Variants in SH3TC1 observed in about 807,000 individuals in gnomAD.
SH3TC1 encodes the protein SH3 domain and tetratricopeptide repeats 1, also known as SH3 domain and tetratricopeptide repeat-containing protein 1.
A neutral mutation model predicts 117.3 loss-of-function variants in SH3TC1; 135 were observed. The observed-to-expected ratio is 1.15, with a 90% CI of 1.00 to 1.33. SH3TC1 has a LOEUF of 1.33. SH3TC1 is among the 40% of genes most tolerant of loss of function. SH3TC1 has a pLI of 0.00. For missense variants in SH3TC1, 2,092 were observed against 1,794.3 expected (o/e 1.17, Z -3.00); for synonymous variants, 898 against 816.9 (o/e 1.10, Z -1.69).
At position 8,227,109 on chromosome 4, in the gene SH3TC1, C is replaced by T; in HGVS notation, c.1415C>T (p.Ser472Phe). ...GCGTCCTGGGGTCTCTGTGCGGCAT[C>T]CAGCGACGTGAGCTTGCAGGACCCC... ...EPASWGLCAA[S>F]SDVSLQDPEE... Residue 472 changes from serine (S) to phenylalanine (F), a missense_variant, in exon 12 of 18, where the codon TCC (serine) becomes TTC (phenylalanine). Ser to Phe is a radical substitution (Grantham distance 155). Transcript: ENST00000245105. 1.2e-6 allele frequency: 2 copies of T among 1,612,758 alleles called. No homozygotes were observed. The highest frequency in any genetic ancestry group is 2.2e-5 in the South Asian group (2 of 91,022).
intron 6 of SH3TC1, 118 bp from the exon 7 acceptor site, chr4:8,216,839 T>TG (rs988134498): frequency 9.5e-5 from 98 of 1,035,916 alleles, no homozygotes; most frequent in Admixed American, 5.7e-4. Flanking sequence ...CTGCAGACAC[T>TG]GGGGGGGCCG....
At chr4:8,212,484 C>A (rs529102728) in intron 3 of SH3TC1, among the ~76,000 whole-genome samples, 1 of 152,178 alleles carries the variant, frequency 6.6e-6, no homozygotes, top group African/African-American at 2.4e-5. Flanking sequence ...GCACTCACCC[C>A]GAAAGAAACA....
At chr4:8,215,303 C>G in intron 5 of SH3TC1, 1 of 450,056 alleles carries the variant, frequency 2.2e-6, no homozygotes. Flanking sequence ...CTAACGGAGC[C>G]TCCCTGGGGA....
chr4:8,195,657 G>A (rs1578639670), upstream of SH3TC1, among the ~76,000 whole-genome samples: 1 of 152,202 alleles, frequency 6.6e-6, no homozygotes, highest in African/African-American at 2.4e-5. Context: ...GAGCCCGTCT[G>A]GGGGCTTTTT....
intron 12 of SH3TC1, among the ~76,000 whole-genome samples, chr4:8,229,948 C>T (rs979629675): frequency 8.0e-5 from 12 of 150,532 alleles, no homozygotes; most frequent in Admixed American, 5.3e-4. Flanking sequence ...TCGAGGAGAC[C>T]GGGGGCCAGG....
At chr4:8,234,659 C>T (rs1721645264) in intron 14 of SH3TC1, among the ~76,000 whole-genome samples, 1 of 152,236 alleles carries the variant, frequency 6.6e-6, no homozygotes, top group African/African-American at 2.4e-5. Flanking sequence ...ATTCCTAAGC[C>T]ACTGCTGAGC....
intron 1 of SH3TC1, chr4:8,201,828 C>T (rs1311314768): frequency 6.6e-6 from 1 of 152,294 alleles, no homozygotes. Context: ...CAGGCCTGTT[C>T]CTAACCCAGG....
At chr4:8,214,175 T>A (rs1000711470) in intron 4 of SH3TC1, among the ~76,000 whole-genome samples, 1 of 149,688 alleles carries the variant, frequency 6.7e-6, no homozygotes, top group East Asian at 2.0e-4. Context: ...CGGTCACTGG[T>A]GTGTGGGGGA....
intron 17 of SH3TC1, among the ~76,000 whole-genome samples, chr4:8,239,437 C>CAT (rs1385801181): frequency 6.8e-5 from 10 of 148,084 alleles, no homozygotes; most frequent in African/African-American, 2.5e-5. Context: ...CATGCACACA[C>CAT]ACGGACACGC....
intron 2 of SH3TC1, among the ~76,000 whole-genome samples, chr4:8,207,514 G>A (rs949593553): frequency 6.6e-6 from 1 of 152,174 alleles, no homozygotes; most frequent in Non-Finnish European, 1.5e-5. Flanking sequence ...TAATCCTTGC[G>A]ACAGAGGCTG....
rs57041483 is a variant in SH3TC1 at position 8,239,248 on chromosome 4, G to GAC, written c.3754-1434_3754-1433dup. ...TGCACATGCACGCTGCACGCACAGG[G>GAC]ACACACACACACACACAGAGACACA... On this transcript the variant is annotated intron_variant, in intron 17 of 17. Transcript: ENST00000245105. 4.7e-3 allele frequency among the ~76,000 whole-genome samples: 704 copies of GAC among 150,378 alleles called. 3 individuals carry two copies. The highest frequency in any genetic ancestry group is 0.015 in the African/African-American group (608 of 40,646).
At chr4:8,185,088 C>G (rs1717183283) in intron 1 of SH3TC1, among the ~76,000 whole-genome samples, 1 of 151,168 alleles carries the variant, frequency 6.6e-6, no homozygotes, top group Non-Finnish European at 1.5e-5. Context: ...GTAATCCTAG[C>G]ACTTTGGGAG....
At position 8,233,402 on chromosome 4, in the gene SH3TC1, G is replaced by C; in HGVS notation, c.3171G>C (p.Leu1057=). The part of the protein sequence containing the change: ...KSALDYTKRS[L]GIFIDLQKKE... ...CACTGGACTACACCAAACGAAGTCT[G>C]GGGATTTTCATTGACCTCCAGAAGA... Residue 1057 remains leucine, a synonymous_variant, in exon 14 of 18, where the codon CTG becomes CTC. Transcript: ENST00000245105. 1.9e-6 allele frequency: 3 copies of C among 1,613,768 alleles called. No individual in the cohort carries two copies. Among genetic ancestry groups the C allele is most frequent in the Non-Finnish European group, 2.5e-6 (3 of 1,179,850 alleles).
At chr4:8,213,156 G>A (rs939316375) in intron 4 of SH3TC1, 2 of 319,354 alleles carry the variant, frequency 6.3e-6, no homozygotes, top group East Asian at 6.5e-5. Context: ...TTAAGGACAA[G>A]TGTGAAGTTA....
rs1220211539 is a variant in SH3TC1, at chr4:8,240,710, G to A, written c.3766G>A (p.Ala1256Thr). The change falls in exon 18 of 18, where the codon GCA becomes ACA. Residue 1256 changes from alanine (A) to threonine (T), a missense_variant. Transcript: ENST00000245105. ...CTGTCCCCTTCAGGACCCGTTTGAT[G>A]CAGCCGGGTACTACCAGCTGGCGCT... is the stretch of plus-strand genomic sequence containing the variant. Reference protein sequence around the residue: ...IFYDLKDPFDAAGYYQLALAA... With the variant: ...IFYDLKDPFDTAGYYQLALAA... 1 of 1,613,904 alleles carries A rather than the reference G, an allele frequency of 6.2e-7. No individual in the cohort carries two copies. Among genetic ancestry groups the A allele is most frequent in the African/African-American group, 1.3e-5 (1 of 74,936 alleles).
At chr4:8,182,646 T>C (rs1717110498) in intron 1 of SH3TC1, among the ~76,000 whole-genome samples, 1 of 152,126 alleles carries the variant, frequency 6.6e-6, no homozygotes, top group African/African-American at 2.4e-5. Context: ...TCCCCATCTG[T>C]AAGATGAGGC....
At position 8,227,654 on chromosome 4, in the gene SH3TC1, C is replaced by G; in HGVS notation, c.1960C>G (p.Arg654Gly). 1 of 1,527,094 alleles carries G rather than the reference C, an allele frequency of 6.5e-7. No individual in the cohort carries two copies. The highest frequency in any genetic ancestry group is 8.8e-7 in the Non-Finnish European group (1 of 1,139,438). 94.6% of individuals were successfully genotyped at this position (1,527,094 alleles called of 1,614,324 possible). A position where few individuals can be genotyped will look rare whatever the true frequency, so the allele number is the denominator to read the frequency against. The change falls in exon 12 of 18, where the codon CGG becomes GGG. Residue 654 changes from arginine (R) to glycine (G), a missense_variant. By Grantham distance (125) the Arg-to-Gly change is moderately radical (BLOSUM62 -2). Coordinates refer to ENST00000245105, the MANE Select transcript of SH3TC1 (RefSeq NM_018986.5). The stretch of plus-strand genomic sequence containing the variant: ...GGAGCTCCTGCAGCTGGCGCTGCGG[C>G]GGGCGGTGGGTGGCCAGAGCCTGCA... Reference protein sequence around the residue: ...EGELLQLALRRAVGGQSLQAE... With the variant: ...EGELLQLALRGAVGGQSLQAE...
In SH3TC1 at chr4:8,219,518, G is replaced by T; in HGVS notation, c.1100G>T (p.Gly367Val). 1 of 1,567,794 alleles carries T rather than the reference G, an allele frequency of 6.4e-7. No individual in the cohort carries two copies. Among genetic ancestry groups the T allele is most frequent in the Non-Finnish European group, 8.7e-7 (1 of 1,150,544 alleles). The stretch of plus-strand genomic sequence containing the variant: ...CGGAGCAGCCTCATCAGCATGCAGG[G>T]CCCCGTGTCCGAGTGAGTGGCTGGA... ...FVRSSLISMQGPVSELESAIF... is the reference protein window; with the variant it reads ...FVRSSLISMQVPVSELESAIF... Residue 367 changes from glycine (G) to valine (V), a missense_variant, in exon 9 of 18, where the codon GGC becomes GTC. Coordinates refer to ENST00000245105, the MANE Select transcript of SH3TC1 (RefSeq NM_018986.5).
Position 8,216,277 on chromosome 4 carries a change from A to G in SH3TC1, c.628+20A>G, listed in dbSNP as rs998513818. 2 of 1,609,234 alleles carry G rather than the reference A, an allele frequency of 1.2e-6. No individual in the cohort carries two copies. Among genetic ancestry groups the G allele is most frequent in the Non-Finnish European group, 1.7e-6 (2 of 1,177,748 alleles). On this transcript the variant is annotated intron_variant, in intron 6 of 17. Transcript: ENST00000245105. ...AAGAAGGTGAGCGTTGCATGGGGTG[A>G]TGGCCGAGATCCAGCTGTGCGGGGC...
Sources: gnomAD v4.1 joint callset for allele counts (sites outside exome capture counted in the v4.1 genomes callset) on GRCh38, gnomAD v4.1.1 for gene constraint, MANE v1.5 for transcripts, NCBI Gene and HGNC (gene_info 2026-07-23, HGNC 2026-07-21) for gene names.